Variants in MRPL33 observed in about 807,000 individuals in gnomAD.
The protein encoded by MRPL33 is large ribosomal subunit protein bL33m.
MRPL33 carries 5 observed loss-of-function variants against 10.1 expected under a neutral mutation model. That is an observed-to-expected ratio of 0.49 (90% confidence interval 0.26 to 1.04). The LOEUF (loss-of-function observed/expected upper bound fraction) is 1.04. Ranked by LOEUF, MRPL33 falls within the 50% of genes least tolerant of loss-of-function variation. The pLI is 0.14. For synonymous variants in MRPL33, 24 were observed against 27.7 expected (o/e 0.87, Z 0.42); for missense variants, 79 against 78.1 (o/e 1.01, Z -0.04).
At chr2:27,774,994 C>T (rs926786450) in intron 3 of MRPL33, among the ~76,000 whole-genome samples, 2 of 152,172 alleles carry the variant, frequency 1.3e-5, no homozygotes, top group Non-Finnish European at 2.9e-5. Context: ...GTCCTGGCAT[C>T]ATCTGTTCGA....
At position 27,771,805 on chromosome 2, in the gene MRPL33, T is replaced by G; in HGVS notation, c.22+6T>G. On this transcript the variant is annotated splice_donor_region_variant and intron_variant, in intron 1 of 3. Coordinates refer to ENST00000296102, the MANE Select transcript of MRPL33 (RefSeq NM_004891.4). ...GTTCCTCTCCGCGGTCTTCTGTAAG[T>G]GGGGCTGGAGACGCCGGTAGGGGTT... is the stretch of plus-strand genomic sequence containing the variant. 4.3e-6 allele frequency: 7 copies of G among 1,613,608 alleles called. No homozygotes were observed. Among genetic ancestry groups the G allele is most frequent in the Non-Finnish European group, 5.9e-6 (7 of 1,179,632 alleles).
chr2:27,773,010 T>C (rs1409570205), intron 2 of MRPL33, among the ~76,000 whole-genome samples: 3 of 152,228 alleles, frequency 2.0e-5, no homozygotes, highest in Admixed American at 2.0e-4. Context: ...ACTACCACCA[T>C]ATTTCCATTT....
intron 3 of MRPL33, among the ~76,000 whole-genome samples, chr2:27,776,146 T>C (rs1677145204): frequency 6.6e-6 from 1 of 152,264 alleles, no homozygotes; most frequent in Non-Finnish European, 1.5e-5. Context: ...CTGATCATAG[T>C]TCAAAGTGGG....
chr2:27,776,873 C>T (rs375524456), intron 3 of MRPL33, among the ~76,000 whole-genome samples: 6 of 152,160 alleles, frequency 3.9e-5, no homozygotes, highest in African/African-American at 9.7e-5. Flanking sequence ...GTGTTGAGTG[C>T]GCACTATGTG....
rs377552528 is a variant in MRPL33, at chr2:27,779,409, C to T, written c.149-24C>T. The T allele has an allele frequency of 2.5e-6, 4 of 1,582,948 alleles. No individual in the cohort carries two copies. The African/African-American group carries it at 5.5e-5, about 22-fold the overall frequency. ...GATGATACTTAATAATTTTCTGCCACAATTTTTTTTTCTCCCTCCATAGTG... is the reference window on the plus strand; with the variant it reads ...GATGATACTTAATAATTTTCTGCCATAATTTTTTTTTCTCCCTCCATAGTG... On this transcript the variant is annotated intron_variant, in intron 3 of 3. Coordinates refer to ENST00000296102, the MANE Select transcript of MRPL33 (RefSeq NM_004891.4).
chr2:27,779,363 T>C (rs886643904), intron 3 of MRPL33, 70 bp from the exon 4 acceptor site: 18 of 1,500,284 alleles, frequency 1.2e-5, no homozygotes, highest in South Asian at 3.8e-5. Flanking sequence ...TGGTCTGATA[T>C]GTATTTTTTA....
intron 3 of MRPL33, among the ~76,000 whole-genome samples, chr2:27,777,472 C>G (rs1456715606): frequency 6.6e-6 from 1 of 151,750 alleles, no homozygotes; most frequent in Non-Finnish European, 1.5e-5. Flanking sequence ...AACCAGATGC[C>G]CATTCCTGGT....
At chr2:27,771,930 C>T in intron 1 of MRPL33, 131 bp downstream of exon 1, 2 of 955,962 alleles carry the variant, frequency 2.1e-6, no homozygotes, top group Non-Finnish European at 3.1e-6. Context: ...CTTTTCCAGG[C>T]CTTCAGGACC....
At chr2:27,772,486 C>G in intron 1 of MRPL33, 188 bp from the exon 2 acceptor site, 1 of 536,852 alleles carries the variant, frequency 1.9e-6, no homozygotes, top group Non-Finnish European at 3.3e-6. Flanking sequence ...GATCTTTTAA[C>G]CTTCCTTCTA....
chr2:27,774,445 G>T lies in MRPL33; in HGVS notation c.63G>T (p.Val21=). Reference sequence around the variant, plus strand: ...TTAGAAACATTCTGGTGAGAATGGTGAGCGAAGCTGGGACAGGTTTCTGCT... The same window carrying T: ...TTAGAAACATTCTGGTGAGAATGGTTAGCGAAGCTGGGACAGGTTTCTGCT... ...SKSKNILVRM[V]SEAGTGFCFN... is the part of the protein sequence containing the mutation. Residue 21 remains valine (V), a synonymous_variant, in exon 3 of 4, where the codon GTG becomes GTT. Coordinates refer to ENST00000296102, the MANE Select transcript of MRPL33 (RefSeq NM_004891.4). 1 of 1,614,058 alleles carries T rather than the reference G, an allele frequency of 6.2e-7. No homozygotes were observed. Among genetic ancestry groups the T allele is most frequent in the South Asian group, 1.1e-5 (1 of 91,058 alleles).
Position 27,774,519 on chromosome 2 carries a change from A to G in MRPL33, c.137A>G (p.Tyr46Cys), listed in dbSNP as rs1326816342. 2 of 1,613,938 alleles carry G rather than the reference A, an allele frequency of 1.2e-6. No homozygotes were observed. Among genetic ancestry groups the G allele is most frequent in the Admixed American group, 1.7e-5 (1 of 60,022 alleles). The stretch of plus-strand genomic sequence containing the variant: ...CGGGAAAAACTGACTCTTTTGCATT[A>G]TGATCCAGTTGGTAAGATCTGGGGA... ...RLREKLTLLH[Y>C]DPVVKQRVLF... The change falls in exon 3 of 4, where the codon TAT becomes TGT. Residue 46 changes from tyrosine (Y) to cysteine (C), a missense_variant. Physicochemically the swap from Tyr to Cys is radical, Grantham distance 194. Coordinates refer to ENST00000296102, the MANE Select transcript of MRPL33 (RefSeq NM_004891.4).
At chr2:27,777,089 A>G (rs984106163) in intron 3 of MRPL33, among the ~76,000 whole-genome samples, 2 of 152,352 alleles carry the variant, frequency 1.3e-5, no homozygotes, top group East Asian at 3.9e-4. Flanking sequence ...TGTGTTGTGC[A>G]GACTGGTCTC....
At chr2:27,776,799 A>G (rs527756651) in intron 3 of MRPL33, among the ~76,000 whole-genome samples, 1 of 152,346 alleles carries the variant, frequency 6.6e-6, no homozygotes, top group Admixed American at 6.5e-5. Context: ...TTAAGCAGCA[A>G]ATATTTTGAC....
At position 27,771,753 on chromosome 2, in the gene MRPL33, C is replaced by G. The variant is rs771764411; in HGVS notation, c.-25C>G. On this transcript the variant is annotated 5_prime_UTR_variant, in exon 1 of 4. Transcript: ENST00000296102. ...TGGTTGGGGGCCTTTTGGCCGGTGA[C>G]GGAGACTGCCCAGGTGTGGTCACCA... 4 of 1,613,922 alleles carry G rather than the reference C, an allele frequency of 2.5e-6. No homozygotes were observed. Among genetic ancestry groups the G allele is most frequent in the Admixed American group, 1.7e-5 (1 of 59,994 alleles).
chr2:27,772,964 G>T (rs886155564), intron 2 of MRPL33: 17 of 431,936 alleles, frequency 3.9e-5, no homozygotes, highest in African/African-American at 3.1e-4. Flanking sequence ...CTCACTGTCT[G>T]TTTCTAAACA....
chr2:27,775,747 C>G (rs1457177657), intron 3 of MRPL33, among the ~76,000 whole-genome samples: 1 of 152,142 alleles, frequency 6.6e-6, no homozygotes, highest in Admixed American at 6.5e-5. Flanking sequence ...TTCTTGTGTT[C>G]CATCCTTTAA....
In MRPL33 at chr2:27,779,569, G is replaced by A; in HGVS notation, c.*87G>A. 1.9e-6 allele frequency: 3 copies of A among 1,592,976 alleles called. No individual in the cohort carries two copies. Among genetic ancestry groups the A allele is most frequent in the Non-Finnish European group, 2.6e-6 (3 of 1,174,186 alleles). ...AGAAATCCTGTAGCGTGTAATAAAA[G>A]AAGAGGAAATGGCATGGAATCACTG... On this transcript the variant is annotated 3_prime_UTR_variant, in exon 4 of 4. Coordinates refer to ENST00000296102, the MANE Select transcript of MRPL33 (RefSeq NM_004891.4).
chr2:27,774,563 C>T (rs752503301), intron 3 of MRPL33, 33 bp downstream of exon 3: 4 of 1,549,824 alleles, frequency 2.6e-6, no homozygotes, highest in South Asian at 2.2e-5. Flanking sequence ...CTTCCAAGGC[C>T]TGTTGCCCCC....
At chr2:27,772,371 GA>G in intron 1 of MRPL33, 3 of 320,424 alleles carry the variant, frequency 9.4e-6, no homozygotes, top group East Asian at 5.9e-5. Context: ...TTAGAAGAGG[GA>G]AAAAATGGAG....
Sources: gnomAD v4.1 joint callset for allele counts (sites outside exome capture counted in the v4.1 genomes callset) on GRCh38, gnomAD v4.1.1 for gene constraint, MANE v1.5 for transcripts, NCBI Gene and HGNC (gene_info 2026-07-23, HGNC 2026-07-21) for gene names.